MAGI2: variants seen among roughly 807,000 people sequenced by gnomAD.
MAGI2 encodes the protein membrane associated guanylate kinase, WW and PDZ domain containing 2, also known as membrane-associated guanylate kinase, WW and PDZ domain-containing protein 2.
Under a neutral mutation model 133.3 loss-of-function variants are expected in MAGI2, and 35 were observed. That is an observed-to-expected ratio of 0.26 (90% CI 0.20 to 0.35). The LOEUF is 0.35. Among genes scored for constraint, MAGI2 ranks in the 10% least tolerant of loss-of-function variants. The pLI is 1.00. For missense variants in MAGI2, 1,636 were observed against 1,863.4 expected (o/e 0.88, Z 2.25); for synonymous variants, 729 against 710.6 (o/e 1.03, Z -0.41).
chr7:79,221,082 C>T (rs1388429141), intron 1 of MAGI2, among the ~76,000 whole-genome samples: 1 of 151,912 alleles, frequency 6.6e-6, no homozygotes, highest in Non-Finnish European at 1.5e-5. Flanking sequence ...CTAGAAGGTG[C>T]ATGTGGAATT....
intron 3 of MAGI2, among the ~76,000 whole-genome samples, chr7:78,562,856 G>A (rs1312636605): frequency 6.6e-6 from 1 of 152,156 alleles, no homozygotes; most frequent in Admixed American, 6.5e-5. Context: ...GTCTCTTCTA[G>A]TCTTCTGCTA....
rs746033133 is a variant in MAGI2, at chr7:78,185,643, C to A, written c.2297G>T (p.Arg766Leu). Reference sequence around the variant, plus strand: ...ACAATACTTGCCAGAGGAATCCATTCGAAAACTGGTCCTGGGTGGCACTTG... The same window carrying A: ...ACAATACTTGCCAGAGGAATCCATTAGAAAACTGGTCCTGGGTGGCACTTG... ...RQQVPPRTSF[R>L]MDSSGPDYKE... The change falls in exon 13 of 22, where the codon CGA becomes CTA. Residue 766 changes from arginine (R) to leucine (L), a missense_variant. Arg to Leu is a moderately radical substitution (Grantham distance 102). Around this residue, in one of 5 missense-constraint regions of MAGI2, gnomAD observed 920 missense variants for 1,093.5 expected, o/e 0.84. Coordinates refer to ENST00000354212, the MANE Select transcript of MAGI2 (RefSeq NM_012301.4). 1 of 1,591,232 alleles carries A rather than the reference C, an allele frequency of 6.3e-7. No individual in the cohort carries two copies. The highest frequency in any genetic ancestry group is 1.7e-5 in the Admixed American group (1 of 59,562).
intron 2 of MAGI2, among the ~76,000 whole-genome samples, chr7:78,656,321 A>G (rs1812269522): frequency 6.6e-6 from 1 of 152,204 alleles, no homozygotes; most frequent in Non-Finnish European, 1.5e-5. Flanking sequence ...GATAAAGAAA[A>G]TGTTGGGTAT....
intron 1 of MAGI2, among the ~76,000 whole-genome samples, chr7:79,199,921 T>C (rs1309798186): frequency 6.6e-6 from 1 of 151,992 alleles, no homozygotes; most frequent in Admixed American, 6.5e-5. Context: ...TTACACAGCC[T>C]AGTTTTTCTC....
chr7:79,153,381 G>T (rs770855522), intron 1 of MAGI2, among the ~76,000 whole-genome samples: 3 of 152,142 alleles, frequency 2.0e-5, no homozygotes, highest in African/African-American at 7.2e-5. Context: ...CTAGCAGGGT[G>T]CAGGCAATAA....
chr7:79,387,368 G>A (rs1844264872), intron 1 of MAGI2, among the ~76,000 whole-genome samples: 1 of 152,040 alleles, frequency 6.6e-6, no homozygotes, highest in South Asian at 2.1e-4. Context: ...CCACTTAGAC[G>A]TTCAACTTTT....
intron 1 of MAGI2, among the ~76,000 whole-genome samples, chr7:79,386,757 G>A (rs1844209385): frequency 6.6e-6 from 1 of 152,018 alleles, no homozygotes; most frequent in African/African-American, 2.4e-5. Flanking sequence ...CCCCATTGTG[G>A]TGGTATTAAA....
intron 1 of MAGI2, among the ~76,000 whole-genome samples, chr7:79,310,162 CAAAAAAAAAAAAAAAAAAAA>C (rs71518921): frequency 1.2e-4 from 2 of 16,292 alleles, no homozygotes; most frequent in Admixed American, 1.9e-3. Context: ...GAGTCCATCT[CAAAAAAAAAAAAAAAAAAAA>C]AAAAAAAAAA....
At chr7:78,874,043 A>G (rs1795234954) in intron 2 of MAGI2, among the ~76,000 whole-genome samples, 1 of 152,246 alleles carries the variant, frequency 6.6e-6, no homozygotes, top group Non-Finnish European at 1.5e-5. Flanking sequence ...AAGAATCAGT[A>G]TCTTTCTTAT....
chr7:79,329,925 A>G (rs938030109), intron 1 of MAGI2, among the ~76,000 whole-genome samples: 19 of 152,170 alleles, frequency 1.2e-4, no homozygotes, highest in African/African-American at 3.9e-4. Flanking sequence ...CTAGAGAAAG[A>G]TGCTTCTCTT....
chr7:78,893,852 T>A (rs1300657956), intron 2 of MAGI2, among the ~76,000 whole-genome samples: 1 of 152,146 alleles, frequency 6.6e-6, no homozygotes, highest in Admixed American at 6.5e-5. Context: ...GTTGTGCACA[T>A]GTACCCTAAA....
At chr7:78,408,918 A>C (rs1172109880) in intron 6 of MAGI2, among the ~76,000 whole-genome samples, 2 of 152,202 alleles carry the variant, frequency 1.3e-5, no homozygotes, top group East Asian at 3.9e-4. Context: ...TTTCTACTGG[A>C]TAATACTACT....
At chr7:79,432,682 C>G (rs966697942) in intron 1 of MAGI2, among the ~76,000 whole-genome samples, 1 of 152,114 alleles carries the variant, frequency 6.6e-6, no homozygotes, top group Non-Finnish European at 1.5e-5. Flanking sequence ...TCAGAAAGAC[C>G]CTGGAGGTAT....
intron 7 of MAGI2, chr7:78,358,194 A>G: frequency 3.4e-5 from 1 of 29,542 alleles, no homozygotes; most frequent in Non-Finnish European, 5.6e-5. Context: ...AAAAAAAAAA[A>G]AAATATATAT....
At chr7:78,484,767 A>C (rs1048375988) in intron 6 of MAGI2, 1 of 152,008 alleles carries the variant, frequency 6.6e-6, no homozygotes, top group Non-Finnish European at 1.5e-5. Context: ...GTTATTTAGA[A>C]TTTATGGTGC....
In MAGI2 at chr7:79,172,401, G is replaced by A. The variant is rs533552191; in HGVS notation, c.302-165195C>T. On this transcript the variant is annotated intron_variant, in intron 1 of 21. Coordinates refer to ENST00000354212, the MANE Select transcript of MAGI2 (RefSeq NM_012301.4). ...AATTGACATGAAAATCTCTTTTTTT[G>A]GACAAATTCAGACAAAAGATTAGGT... 3.1e-4 allele frequency among the ~76,000 whole-genome samples: 47 copies of A among 151,834 alleles called. No individual in the cohort carries two copies. The South Asian group carries it at 8.9e-3, about 29-fold the overall frequency.
intron 8 of MAGI2, chr7:78,345,688 G>T (rs1244544862): frequency 4.2e-6 from 2 of 477,852 alleles, no homozygotes; most frequent in South Asian, 3.1e-5. Flanking sequence ...TAATCTCCAC[G>T]TGGTGACATG....
intron 1 of MAGI2, among the ~76,000 whole-genome samples, chr7:79,130,482 T>C (rs987372668): frequency 1.4e-4 from 22 of 152,338 alleles, no homozygotes; most frequent in African/African-American, 5.1e-4. Context: ...ATTTGTGCAC[T>C]GCATAAGGAT....
intron 7 of MAGI2, among the ~76,000 whole-genome samples, chr7:78,361,786 C>A (rs1431221209): frequency 2.0e-5 from 3 of 152,128 alleles, no homozygotes; most frequent in Non-Finnish European, 4.4e-5. Context: ...GTCAAGTTTT[C>A]ATCCCTTCAG....
Sources: gnomAD v4.1 joint callset for allele counts (sites outside exome capture counted in the v4.1 genomes callset) on GRCh38, gnomAD v4.1.1 for gene constraint, gnomAD v4.1.1 regional missense constraint, MANE v1.5 for transcripts, NCBI Gene and HGNC (gene_info 2026-07-23, HGNC 2026-07-21) for gene names.